Variants in OSR2 observed in about 807,000 individuals in gnomAD.
The protein encoded by OSR2 is odd-skipped related transciption factor 2.
OSR2 carries 8 observed loss-of-function variants against 22.3 expected under a neutral mutation model. The observed-to-expected ratio is 0.36, with a 90% CI of 0.21 to 0.65. The LOEUF is 0.65. Ranked by LOEUF, OSR2 falls within the 30% of genes least tolerant of loss-of-function variation. The pLI is 0.66. For missense variants in OSR2, 311 were observed against 413.4 expected (o/e 0.75, Z 2.15); for synonymous variants, 179 against 173.8 (o/e 1.03, Z -0.23).
intron 3 of OSR2, 88 bp from the exon 4 acceptor site, chr8:98,951,431 C>G (rs1041786574): frequency 2.4e-6 from 3 of 1,263,728 alleles, no homozygotes; most frequent in Non-Finnish European, 2.2e-6. Flanking sequence ...TATGTTAACG[C>G]TTGTGATAAC....
At position 98,948,204 on chromosome 8, in the gene OSR2, A is replaced by C. The variant is rs1223672330; in HGVS notation, c.-114-635A>C. 1.4e-6 allele frequency: 2 copies of C among 1,413,894 alleles called. No homozygotes were observed. The highest frequency in any genetic ancestry group is 3.0e-5 in the African/African-American group (2 of 67,322). The allele number at this position is 1,413,894 out of a possible 1,614,324, so 87.6% of individuals were successfully genotyped here. A position where few individuals can be genotyped will look rare whatever the true frequency, so the allele number is the denominator to read the frequency against. ...CTGAGGGCAGAGGAAGGAAAAAGAA[A>C]ACCTCCGAGGTCAGTGCGGGGCGAG... is the stretch of plus-strand genomic sequence containing the variant. On this transcript the variant is annotated intron_variant, in intron 1 of 3. Coordinates refer to ENST00000297565, the MANE Select transcript of OSR2 (RefSeq NM_001142462.3). This position sits in a 1 kb window ranked among gnomAD's most constrained non-coding sequence, Gnocchi z 6.0.
At position 98,949,617 on chromosome 8, in the gene OSR2, G is replaced by A; in HGVS notation, c.656+9G>A. On this transcript the variant is annotated intron_variant, in intron 2 of 3. Coordinates refer to ENST00000297565, the MANE Select transcript of OSR2 (RefSeq NM_001142462.3). This position sits in a 1 kb window ranked among gnomAD's most constrained non-coding sequence, Gnocchi z 5.9. ...CACCTGCGGGATCACAGGTGAGGCG[G>A]GCAAGGAGGATGGCTGGGAGAGGGA... 3 of 1,601,428 alleles carry A rather than the reference G, an allele frequency of 1.9e-6. No homozygotes were observed. The highest frequency in any genetic ancestry group is 1.1e-5 in the South Asian group (1 of 89,866).
Position 98,951,858 on chromosome 8 carries a change from G to C in OSR2, c.*157G>C. 1 of 671,208 alleles carries C rather than the reference G, an allele frequency of 1.5e-6. No homozygotes were observed. Among genetic ancestry groups the C allele is most frequent in the African/African-American group, 1.8e-5 (1 of 55,288 alleles). 41.6% of individuals were successfully genotyped at this position (671,208 alleles called of 1,614,324 possible). ...GCTCCAGGGAGTTAACTCTTCTTCTGGGGGACTGAGAACTGTAGAAAGCCA... is the reference window on the plus strand; with the variant it reads ...GCTCCAGGGAGTTAACTCTTCTTCTCGGGGACTGAGAACTGTAGAAAGCCA... On this transcript the variant is annotated 3_prime_UTR_variant, in exon 4 of 4. Coordinates refer to ENST00000297565, the MANE Select transcript of OSR2 (RefSeq NM_001142462.3).
chr8:98,951,466 G>T, intron 3 of OSR2, 53 bp from the exon 4 acceptor site: 1 of 1,475,844 alleles, frequency 6.8e-7, no homozygotes, highest in South Asian at 1.3e-5. Context: ...TATTGAAAAG[G>T]GTGCAGTGGT....
Position 98,949,683 on chromosome 8 carries a change from TC to T in OSR2, c.656+78del. On this transcript the variant is annotated intron_variant, in intron 2 of 3. Coordinates refer to ENST00000297565, the MANE Select transcript of OSR2 (RefSeq NM_001142462.3). This position sits in a 1 kb window ranked among gnomAD's most constrained non-coding sequence, Gnocchi z 5.9. ...GGACACACCGAGTCCTGATAGACAT[TC>T]CCAGTGTCATTATAATCCCCTGTGA... is the stretch of plus-strand genomic sequence containing the variant. 6.7e-7 allele frequency: 1 copy of T among 1,495,702 alleles called. No homozygotes were observed. The highest frequency in any genetic ancestry group is 9.0e-7 in the Non-Finnish European group (1 of 1,107,128). The allele number at this position is 1,495,702 out of a possible 1,614,324, so 92.7% of individuals were successfully genotyped here. A position where few individuals can be genotyped will look rare whatever the true frequency, so the allele number is the denominator to read the frequency against.
chr8:98,951,733 G>C lies in OSR2; in HGVS notation c.*32G>C. The C allele has an allele frequency of 3.2e-6, 5 of 1,584,008 alleles. No homozygotes were observed. Among genetic ancestry groups the C allele is most frequent in the Non-Finnish European group, 4.3e-6 (5 of 1,166,122 alleles). On this transcript the variant is annotated 3_prime_UTR_variant, in exon 4 of 4. Coordinates refer to ENST00000297565, the MANE Select transcript of OSR2 (RefSeq NM_001142462.3). ...CCAGGATCTGTCCCGTGCCGCCGCT[G>C]CTCCCCTCCCCAGACACCTCTCCAC...
rs1385704005 is a variant in OSR2 at position 98,948,526 on chromosome 8, GGCTGTCC to G, written c.-114-310_-114-304del. ...GGCTGGGCTGGGCTGGGTGCTGCCC[GGCTGTCC>G]GCCTTTCGTTTTCCTGGGACCGAGG... On this transcript the variant is annotated intron_variant, in intron 1 of 3. Coordinates refer to ENST00000297565, the MANE Select transcript of OSR2 (RefSeq NM_001142462.3). This position sits in a 1 kb window ranked among gnomAD's most constrained non-coding sequence, Gnocchi z 6.0. 1 of 1,356,570 alleles carries G rather than the reference GGCTGTCC, an allele frequency of 7.4e-7. No individual in the cohort carries two copies. The highest frequency in any genetic ancestry group is 9.7e-7 in the Non-Finnish European group (1 of 1,035,944). The allele number at this position is 1,356,570 out of a possible 1,614,324, so 84.0% of individuals were successfully genotyped here.
At position 98,948,709 on chromosome 8, in the gene OSR2, C is replaced by G; in HGVS notation, c.-114-130C>G. Reference sequence around the variant, plus strand: ...AAGGTGCCACGCAGTCCCCTCACGGCTTTCGGGGGGTCTTGGAGTCGGGTG... The same window carrying G: ...AAGGTGCCACGCAGTCCCCTCACGGGTTTCGGGGGGTCTTGGAGTCGGGTG... On this transcript the variant is annotated intron_variant, in intron 1 of 3. Coordinates refer to ENST00000297565, the MANE Select transcript of OSR2 (RefSeq NM_001142462.3). The surrounding 1 kb of genome is among the most constrained non-coding windows in gnomAD (Gnocchi z 6.0). The G allele has an allele frequency of 8.2e-7, 1 of 1,217,868 alleles. No homozygotes were observed. The highest frequency in any genetic ancestry group is 1.6e-5 in the South Asian group (1 of 63,486). 75.4% of individuals were successfully genotyped at this position (1,217,868 alleles called of 1,614,324 possible). A position where few individuals can be genotyped will look rare whatever the true frequency, so the allele number is the denominator to read the frequency against.
intron 1 of OSR2, among the ~76,000 whole-genome samples, chr8:98,945,695 G>C (rs1840591082): frequency 6.6e-6 from 1 of 152,198 alleles, no homozygotes; most frequent in Non-Finnish European, 1.5e-5. Flanking sequence ...GCTCTGAAGG[G>C]GCAGGAACTT....
Position 98,948,103 on chromosome 8 carries a change from G to A in OSR2, c.-114-736G>A, listed in dbSNP as rs1441898628. The A allele has an allele frequency of 2.2e-6, 3 of 1,353,316 alleles. No homozygotes were observed. The African/African-American group carries it at 4.5e-5, about 20-fold the overall frequency. The allele number at this position is 1,353,316 out of a possible 1,614,324, so 83.8% of individuals were successfully genotyped here. The stretch of plus-strand genomic sequence containing the variant: ...AGGAGAGCCCGTGGATAGGAGGAGG[G>A]GGCGATTCTAGGCCGAATCCAGCCC... On this transcript the variant is annotated intron_variant, in intron 1 of 3. Transcript: ENST00000297565. This position sits in a 1 kb window ranked among gnomAD's most constrained non-coding sequence, Gnocchi z 6.0.
At position 98,948,271 on chromosome 8, in the gene OSR2, GCGCCGGCTTCGCTCTTGCA is replaced by G; in HGVS notation, c.-114-558_-114-540del. ...GCCCTCTGGCCCAGGAGGATGAAGC[GCGCCGGCTTCGCTCTTGCA>G]CGCCGGCTTGCCATCCGGGTAAGCG... is the stretch of plus-strand genomic sequence containing the variant. On this transcript the variant is annotated intron_variant, in intron 1 of 3. Transcript: ENST00000297565. This position sits in a 1 kb window ranked among gnomAD's most constrained non-coding sequence, Gnocchi z 6.0. 9.3e-6 allele frequency: 14 copies of G among 1,513,452 alleles called. No homozygotes were observed. The highest frequency in any genetic ancestry group is 1.4e-5 in the African/African-American group (1 of 72,300). The allele number at this position is 1,513,452 out of a possible 1,614,324, so 93.8% of individuals were successfully genotyped here.
chr8:98,951,189 T>C (rs1479735087), intron 3 of OSR2, among the ~76,000 whole-genome samples: 1 of 152,210 alleles, frequency 6.6e-6, no homozygotes, highest in East Asian at 1.9e-4. Flanking sequence ...GAGAATGTTG[T>C]TCCTTAAGAG....
At chr8:98,950,513 A>G (rs893947963) in intron 2 of OSR2, 143 bp from the exon 3 acceptor site, 4 of 623,764 alleles carry the variant, frequency 6.4e-6, no homozygotes, top group Middle Eastern at 4.2e-4. Flanking sequence ...AAAGAGAATT[A>G]CACAGGAAAA....
In OSR2 at chr8:98,949,010, A is replaced by G. The variant is rs753161883; in HGVS notation, c.58A>G (p.Asn20Asp). 1 of 1,613,902 alleles carries G rather than the reference A, an allele frequency of 6.2e-7. No homozygotes were observed. The highest frequency in any genetic ancestry group is 8.5e-7 in the Non-Finnish European group (1 of 1,179,878). Residue 20 changes from asparagine to aspartate, a missense_variant, in exon 2 of 4, where the codon AAT becomes GAT. Asn to Asp is a conservative substitution (Grantham distance 23, BLOSUM62 1). Around this residue, in one of 5 missense-constraint regions of OSR2, gnomAD observed 146 missense variants for 160.5 expected, o/e 0.91. Transcript: ENST00000297565. This position sits in a 1 kb window ranked among gnomAD's most constrained non-coding sequence, Gnocchi z 5.9. ...GCTCCACCCGTCGCTGCAGCTCACCAATTACTCCTTCCTGCAGGCCGTGAA... is the reference window on the plus strand; with the variant it reads ...GCTCCACCCGTCGCTGCAGCTCACCGATTACTCCTTCCTGCAGGCCGTGAA... ...IPLHPSLQLT[N>D]YSFLQAVNTF...
rs201438766 is a variant in OSR2, at chr8:98,949,209, C to G, written c.257C>G (p.Pro86Arg). 1 of 1,591,704 alleles carries G rather than the reference C, an allele frequency of 6.3e-7. No homozygotes were observed. The change falls in exon 2 of 4, where the codon CCG becomes CGG. Residue 86 changes from proline (P) to arginine (R), a missense_variant. Around this residue, in one of 5 missense-constraint regions of OSR2, gnomAD observed 146 missense variants for 160.5 expected, o/e 0.91. Coordinates refer to ENST00000297565, the MANE Select transcript of OSR2 (RefSeq NM_001142462.3). The surrounding 1 kb of genome is among the most constrained non-coding windows in gnomAD (Gnocchi z 5.9). ...CTCGTGGACGCGCGCTTCCCCTTCCCGGCCCTGCCTTTTACCACCCACCTA... is the reference window on the plus strand; with the variant it reads ...CTCGTGGACGCGCGCTTCCCCTTCCGGGCCCTGCCTTTTACCACCCACCTA... ...QGLVDARFPF[P>R]ALPFTTHLFH... is the part of the protein sequence containing the mutation.
chr8:98,948,128 CCT>C lies in OSR2; in HGVS notation c.-114-710_-114-709del. On this transcript the variant is annotated intron_variant, in intron 1 of 3. Transcript: ENST00000297565. This position sits in a 1 kb window ranked among gnomAD's most constrained non-coding sequence, Gnocchi z 6.0. Reference sequence around the variant, plus strand: ...GGGCGATTCTAGGCCGAATCCAGCCCCTGAGGTGTCACTTTTCTTTCCTGCGG... The same window carrying C: ...GGGCGATTCTAGGCCGAATCCAGCCCGAGGTGTCACTTTTCTTTCCTGCGG... 7.2e-7 allele frequency: 1 copy of C among 1,385,190 alleles called. No homozygotes were observed. The highest frequency in any genetic ancestry group is 2.9e-5 in the East Asian group (1 of 34,638). 85.8% of individuals were successfully genotyped at this position (1,385,190 alleles called of 1,614,324 possible).
In OSR2 at chr8:98,949,384, T is replaced by C; in HGVS notation, c.432T>C (p.Gly144=). The part of the protein sequence containing the change: ...GDLSKLSPGL[G]SPISGLSKLT... ...TGAGCAAGCTGAGCCCAGGACTGGG[T>C]AGCCCCATCTCGGGCCTCAGTAAAT... Residue 144 remains glycine (G), a synonymous_variant, in exon 2 of 4, where the codon GGT becomes GGC. Coordinates refer to ENST00000297565, the MANE Select transcript of OSR2 (RefSeq NM_001142462.3). The surrounding 1 kb of genome is among the most constrained non-coding windows in gnomAD (Gnocchi z 5.9). 5 of 1,613,508 alleles carry C rather than the reference T, an allele frequency of 3.1e-6. No individual in the cohort carries two copies. In the South Asian group the frequency reaches 4.4e-5, roughly 14 times the overall value.
chr8:98,948,211 G>A lies in OSR2; in HGVS notation c.-114-628G>A, dbSNP rs1191711876. 26 of 1,428,140 alleles carry A rather than the reference G, an allele frequency of 1.8e-5. No individual in the cohort carries two copies. The highest frequency in any genetic ancestry group is 2.3e-5 in the Non-Finnish European group (25 of 1,094,228). The allele number at this position is 1,428,140 out of a possible 1,614,324, so 88.5% of individuals were successfully genotyped here. On this transcript the variant is annotated intron_variant, in intron 1 of 3. Transcript: ENST00000297565. This position sits in a 1 kb window ranked among gnomAD's most constrained non-coding sequence, Gnocchi z 6.0. The stretch of plus-strand genomic sequence containing the variant: ...CAGAGGAAGGAAAAAGAAAACCTCC[G>A]AGGTCAGTGCGGGGCGAGGTGAGCC...
rs1376816320 is a variant in OSR2 at position 98,951,561 on chromosome 8, C to G, written c.799C>G (p.Gln267Glu). ...KCPTCGRTFNQRSNLKTHLLT... is the reference protein window; with the variant it reads ...KCPTCGRTFNERSNLKTHLLT... ...TCCCACATGTGGAAGAACCTTTAAT[C>G]AGAGAAGTAATCTGAAAACTCACCT... The change falls in exon 4 of 4, where the codon CAG (glutamine) becomes GAG (glutamate). Residue 267 changes from glutamine to glutamate, a missense_variant. Coordinates refer to ENST00000297565, the MANE Select transcript of OSR2 (RefSeq NM_001142462.3). 1.2e-6 allele frequency: 2 copies of G among 1,611,636 alleles called. No individual in the cohort carries two copies. The highest frequency in any genetic ancestry group is 8.5e-7 in the Non-Finnish European group (1 of 1,178,834).
Sources: gnomAD v4.1 joint callset for allele counts (sites outside exome capture counted in the v4.1 genomes callset) on GRCh38, gnomAD v4.1.1 for gene constraint, gnomAD v4.1.1 regional missense constraint, Gnocchi (gnomAD v3.1) non-coding constraint, MANE v1.5 for transcripts, NCBI Gene and HGNC (gene_info 2026-07-23, HGNC 2026-07-21) for gene names.